SMIM14: variants seen among roughly 807,000 people sequenced by gnomAD.
SMIM14 encodes chromosome 4 open reading frame 34.
SMIM14 carries 5 observed loss-of-function variants against 12.6 expected under a neutral mutation model. That is an observed-to-expected ratio of 0.40 (90% CI 0.21 to 0.83). SMIM14 has a LOEUF of 0.83. Among genes scored for constraint, SMIM14 ranks in the 40% least tolerant of loss-of-function variants. SMIM14 has a pLI of 0.37. For synonymous variants in SMIM14, 30 were observed against 40.1 expected (o/e 0.75, Z 0.95); for missense variants, 86 against 119.1 (o/e 0.72, Z 1.29).
At chr4:39,584,702 G>A (rs538121943) in intron 2 of SMIM14, among the ~76,000 whole-genome samples, 1 of 146,722 alleles carries the variant, frequency 6.8e-6, no homozygotes, top group East Asian at 2.0e-4. Flanking sequence ...AGGCTGAGGT[G>A]GGAGGACGGT....
In SMIM14 at chr4:39,552,037, C is replaced by T. The variant is rs1382989168; in HGVS notation, c.*89G>A. ...CATATTGCAGATACAAAAGGAAAAA[C>T]AGTTCTAATGGGGTTAAGAGTACTC... On this transcript the variant is annotated 3_prime_UTR_variant, in exon 5 of 5. Coordinates refer to ENST00000295958, the MANE Select transcript of SMIM14 (RefSeq NM_174921.3). The T allele has an allele frequency of 1.9e-6, 2 of 1,040,284 alleles. No homozygotes were observed. Among genetic ancestry groups the T allele is most frequent in the South Asian group, 1.9e-5 (1 of 52,936 alleles). 64.4% of individuals were successfully genotyped at this position (1,040,284 alleles called of 1,614,324 possible).
intron 3 of SMIM14, 121 bp downstream of exon 3, chr4:39,572,277 CTTTTTTTTTTTTTTTTT>C (rs71192876): frequency 4.8e-6 from 1 of 209,862 alleles, no homozygotes; most frequent in African/African-American, 5.4e-5. Context: ...GTATGTGTCG[CTTTTTTTTTTTTTTTTT>C]TTTTTTTTGG....
chr4:39,606,272 G>A (rs1348579276), intron 1 of SMIM14, among the ~76,000 whole-genome samples: 1 of 151,714 alleles, frequency 6.6e-6, no homozygotes, highest in African/African-American at 2.4e-5. Flanking sequence ...CTTGAGCCCT[G>A]GCAGTCAAGG....
chr4:39,613,046 T>C (rs1233892941), intron 1 of SMIM14, among the ~76,000 whole-genome samples: 1 of 152,302 alleles, frequency 6.6e-6, no homozygotes, highest in Non-Finnish European at 1.5e-5. Flanking sequence ...CCATCAAAAT[T>C]GTAAAACATG....
intron 4 of SMIM14, among the ~76,000 whole-genome samples, chr4:39,556,144 C>T (rs1349141159): frequency 6.8e-6 from 1 of 147,788 alleles, no homozygotes; most frequent in Admixed American, 6.8e-5. Flanking sequence ...GCCTGGGCGG[C>T]ACAGCAAGAC....
intron 1 of SMIM14, among the ~76,000 whole-genome samples, chr4:39,628,026 A>G (rs2109254014): frequency 6.6e-6 from 1 of 152,334 alleles, no homozygotes; most frequent in African/African-American, 2.4e-5. Context: ...CCTAAAAAAA[A>G]GGCTAGGCGT....
intron 1 of SMIM14, among the ~76,000 whole-genome samples, chr4:39,612,323 C>T (rs537375237): frequency 9.3e-5 from 14 of 151,282 alleles, no homozygotes; most frequent in Admixed American, 7.2e-4. Context: ...GGTGTGATCT[C>T]GGCTCACTGC....
intron 2 of SMIM14, chr4:39,594,599 C>G (rs1714272757): frequency 6.7e-6 from 1 of 148,348 alleles, no homozygotes; most frequent in African/African-American, 2.5e-5. Context: ...AAGAAACTAC[C>G]ATCAGAGTGA....
intron 1 of SMIM14, among the ~76,000 whole-genome samples, chr4:39,616,243 C>T (rs925877368): frequency 2.0e-5 from 3 of 152,214 alleles, no homozygotes; most frequent in African/African-American, 7.2e-5. Context: ...TCAAGCAATT[C>T]TCCTGCCTCA....
At chr4:39,584,502 A>AAAAAAAAAAAAAAAAAAAAAAC (rs1713682286) in intron 2 of SMIM14, among the ~76,000 whole-genome samples, 4 of 142,510 alleles carry the variant, frequency 2.8e-5, no homozygotes, top group Non-Finnish European at 6.1e-5. Flanking sequence ...AAAAAAAAAA[A>AAAAAAAAAAAAAAAAAAAAAAC]AAAGACAAAC....
intron 2 of SMIM14, among the ~76,000 whole-genome samples, chr4:39,576,645 T>A (rs1713182164): frequency 1.1e-5 from 1 of 94,906 alleles, no homozygotes; most frequent in African/African-American, 3.9e-5. Context: ...CTTATACCTA[T>A]GTGTGTGTGT....
intron 1 of SMIM14, among the ~76,000 whole-genome samples, chr4:39,637,649 C>G (rs2109263793): frequency 6.6e-6 from 1 of 152,102 alleles, no homozygotes; most frequent in East Asian, 1.9e-4. Context: ...GGTCGCAGTG[C>G]TGTCGACGGC....
At chr4:39,580,105 A>C (rs1205730750) in intron 2 of SMIM14, among the ~76,000 whole-genome samples, 1 of 152,198 alleles carries the variant, frequency 6.6e-6, no homozygotes, top group Admixed American at 6.6e-5. Flanking sequence ...CTTCTTTCTC[A>C]TTCAACAGAG....
intron 2 of SMIM14, among the ~76,000 whole-genome samples, chr4:39,577,261 C>T (rs1460624447): frequency 6.6e-6 from 1 of 151,908 alleles, no homozygotes; most frequent in Non-Finnish European, 1.5e-5. Context: ...ATTACTCACA[C>T]ACAATTGGTA....
intron 1 of SMIM14, among the ~76,000 whole-genome samples, chr4:39,618,010 T>G (rs73139483): frequency 6.6e-6 from 1 of 152,066 alleles, no homozygotes; most frequent in Non-Finnish European, 1.5e-5. Context: ...ATGCTTACCA[T>G]AGTTGAGATG....
intron 1 of SMIM14, among the ~76,000 whole-genome samples, chr4:39,622,646 C>T (rs115129250): frequency 1.9e-3 from 285 of 152,324 alleles, no homozygotes; most frequent in African/African-American, 6.6e-3. Flanking sequence ...AGTGATCCGC[C>T]GCCTCTGCCT....
intron 2 of SMIM14, among the ~76,000 whole-genome samples, chr4:39,589,896 C>T (rs1369581460): frequency 3.3e-5 from 5 of 150,968 alleles, no homozygotes; most frequent in Non-Finnish European, 2.9e-5. Flanking sequence ...AAAAATTAGC[C>T]GGGTGTGGTG....
chr4:39,638,370 G>C (rs1716184957), intron 1 of SMIM14: 1 of 726,232 alleles, frequency 1.4e-6, no homozygotes, highest in Non-Finnish European at 1.7e-6. Flanking sequence ...GTGGATTTCA[G>C]GATTTGTGAG....
At chr4:39,636,792 A>G (rs1030670418) in intron 1 of SMIM14, among the ~76,000 whole-genome samples, 25 of 152,216 alleles carry the variant, frequency 1.6e-4, no homozygotes, top group Admixed American at 1.4e-3. Context: ...CCTACGATAA[A>G]ATTCAATTTA....
Sources: gnomAD v4.1 joint callset for allele counts (sites outside exome capture counted in the v4.1 genomes callset) on GRCh38, gnomAD v4.1.1 for gene constraint, MANE v1.5 for transcripts, NCBI Gene and HGNC (gene_info 2026-07-23, HGNC 2026-07-21) for gene names.